The following SDR42E2 variants were observed in gnomAD, a reference collection of about 807,000 sequenced individuals.
The protein encoded by SDR42E2 is short chain dehydrogenase/reductase family 42E, member 2.
A neutral mutation model predicts 10.5 loss-of-function variants in SDR42E2; 20 were observed. The ratio of observed to expected loss-of-function variants is 1.90; its 90% confidence interval spans 1.34 to 2.77. SDR42E2 has a LOEUF of 2.77. Ranked by LOEUF, SDR42E2 falls within the 30% of genes most tolerant of loss-of-function variation. The pLI, the probability that SDR42E2 is intolerant of heterozygous loss-of-function variation, is 0.00. For missense variants in SDR42E2, 162 were observed against 104.2 expected, an observed-to-expected ratio of 1.55 and a Z score of -2.42; for synonymous variants, 72 against 39.2, an observed-to-expected ratio of 1.84 and a Z score of -3.12.
chr16:22,167,292 T>G (rs2046552163), intron 4 of SDR42E2, among the ~76,000 whole-genome samples: 3 of 150,328 alleles, frequency 2.0e-5, no homozygotes, highest in Non-Finnish European at 4.4e-5. Context: ...TTCAAGTGGT[T>G]CTTCTGCCTC....
intron 7 of SDR42E2, among the ~76,000 whole-genome samples, chr16:22,177,118 T>G (rs1220151033): frequency 2.0e-5 from 3 of 152,198 alleles, no homozygotes; most frequent in Non-Finnish European, 2.9e-5. Flanking sequence ...TCCACTGCGC[T>G]GATCTGTGTG....
chr16:22,179,762 G>A (rs1355691566), intron 8 of SDR42E2, among the ~76,000 whole-genome samples: 4 of 147,898 alleles, frequency 2.7e-5, no homozygotes, highest in African/African-American at 7.6e-5. Context: ...GCAGTGAGCC[G>A]AGATTGTGCC....
chr16:22,162,680 C>T (rs1169680287), intron 1 of SDR42E2, among the ~76,000 whole-genome samples, 116 bp downstream of exon 1: 1 of 152,212 alleles, frequency 6.6e-6, no homozygotes, highest in African/African-American at 2.4e-5. Context: ...GAGCCCAGCG[C>T]TCTCAGGGTC....
chr16:22,176,688 G>A (rs1342260551), intron 7 of SDR42E2, among the ~76,000 whole-genome samples: 1 of 152,226 alleles, frequency 6.6e-6, no homozygotes, highest in Non-Finnish European at 1.5e-5. Flanking sequence ...CTCCCAAAGT[G>A]CTGGGATTAC....
At position 22,165,602 on chromosome 16, in the gene SDR42E2, G is replaced by T; in HGVS notation, c.20G>T (p.Arg7Leu). 2.5e-6 allele frequency: 1 copy of T among 401,364 alleles called. No homozygotes were observed. Among genetic ancestry groups the T allele is most frequent in the East Asian group, 3.6e-5 (1 of 28,070 alleles). 24.9% of individuals were successfully genotyped at this position (401,364 alleles called of 1,614,324 possible). A position where few individuals can be genotyped will look rare whatever the true frequency, so the allele number is the denominator to read the frequency against. The change falls in exon 2 of 13, where the codon CGC (arginine) becomes CTC (leucine). Residue 7 changes from arginine to leucine, a missense_variant. Transcript: ENST00000602312. ...TAGAGGATGAAGTCCAACCCCCCAC[G>T]CTCCTCCCTAGAGGCCTGCAAAGCT... MKSNPP[R>L]SSLEACKAAG... is the part of the protein sequence containing the mutation.
At chr16:22,165,440 A>G (rs1450069794) in intron 1 of SDR42E2, 107 bp from the exon 2 acceptor site, 4 of 393,244 alleles carry the variant, frequency 1.0e-5, no homozygotes, top group Non-Finnish European at 1.8e-5. Context: ...GGGAACTCAG[A>G]GAATTTCTAA....
At position 22,178,148 on chromosome 16, in the gene SDR42E2, C is replaced by A. The variant is rs868603155; in HGVS notation, c.608C>A (p.Thr203Lys). 7.1e-6 allele frequency: 5 copies of A among 702,736 alleles called. No individual in the cohort carries two copies. Among genetic ancestry groups the A allele is most frequent in the Admixed American group, 2.0e-5 (1 of 49,972 alleles). The allele number at this position is 702,736 out of a possible 1,614,324, so 43.5% of individuals were successfully genotyped here. A position where few individuals can be genotyped will look rare whatever the true frequency, so the allele number is the denominator to read the frequency against. ...GTGCTAGGAGGAGGCACTCTTCGGACGTGTGTGCTCCGGCCTCCAGGGATC... is the reference window on the plus strand; with the variant it reads ...GTGCTAGGAGGAGGCACTCTTCGGAAGTGTGTGCTCCGGCCTCCAGGGATC... ...MPLPGGGTLR[T>K]CVLRPPGIYG... Residue 203 changes from threonine to lysine, a missense_variant, in exon 8 of 13, where the codon ACG (threonine) becomes AAG (lysine). Thr to Lys is a moderately conservative substitution (Grantham distance 78). Transcript: ENST00000602312.
At chr16:22,173,153 G>C (rs551337108) in intron 7 of SDR42E2, among the ~76,000 whole-genome samples, 28 of 152,084 alleles carry the variant, frequency 1.8e-4, no homozygotes, top group Non-Finnish European at 3.4e-4. Flanking sequence ...CGTATTTCTT[G>C]AGTGCACACT....
At chr16:22,178,086 G>T in intron 7 of SDR42E2, 44 bp from the exon 8 acceptor site, 1 of 695,174 alleles carries the variant, frequency 1.4e-6, no homozygotes. Flanking sequence ...CTCCCTGTGG[G>T]CTGCTCCTCC....
Position 22,181,629 on chromosome 16 carries a change from C to A in SDR42E2, c.783C>A (p.Ala261=). 1.4e-6 allele frequency: 1 copy of A among 702,990 alleles called. No homozygotes were observed. The allele number at this position is 702,990 out of a possible 1,614,324, so 43.5% of individuals were successfully genotyped here. ...AGGCACACGTGCTGGCGGCCGAGGC[C>A]CTCACCACGGCCAAGGGCTACGTGG... is the stretch of plus-strand genomic sequence containing the variant. ...LVQAHVLAAE[A]LTTAKGYVAS... is the part of the protein sequence containing the mutation. The change falls in exon 9 of 13, where the codon GCC becomes GCA. Residue 261 remains alanine (A), a synonymous_variant. Transcript: ENST00000602312.
At chr16:22,163,043 T>A (rs560224799) in intron 1 of SDR42E2, among the ~76,000 whole-genome samples, 2 of 152,302 alleles carry the variant, frequency 1.3e-5, no homozygotes, top group East Asian at 3.9e-4. Flanking sequence ...GAAATCCTCC[T>A]GGAGCTTTGC....
At chr16:22,172,044 C>T (rs961941414) in intron 6 of SDR42E2, among the ~76,000 whole-genome samples, 6 of 152,160 alleles carry the variant, frequency 3.9e-5, no homozygotes, top group South Asian at 2.1e-4. Context: ...GTCATTGTTA[C>T]TGCTCCGAAC....
At chr16:22,185,397 G>A (rs934458455) in intron 11 of SDR42E2, among the ~76,000 whole-genome samples, 2 of 152,170 alleles carry the variant, frequency 1.3e-5, no homozygotes, top group Non-Finnish European at 2.9e-5. Flanking sequence ...CGCAGTGATT[G>A]GTACTCCCGG....
intron 7 of SDR42E2, among the ~76,000 whole-genome samples, chr16:22,176,302 C>T: frequency 6.6e-6 from 1 of 151,886 alleles, no homozygotes; most frequent in Non-Finnish European, 1.5e-5. Flanking sequence ...TTTTCTTTGT[C>T]AGAGATGGGG....
chr16:22,166,363 G>A lies in SDR42E2; in HGVS notation c.169G>A (p.Gly57Ser), dbSNP rs948706527. ...CCTGGGATCCCACCTAGCCAAGAGC[G>A]GCACTTCCGTCATTCTGCTTGACCG... ...FSLGSHLAKS[G>S]TSVILLDRRR... The change falls in exon 3 of 13, where the codon GGC (glycine) becomes AGC (serine). Residue 57 changes from glycine (G) to serine (S), a missense_variant. Coordinates refer to ENST00000602312, the MANE Select transcript of SDR42E2 (RefSeq NM_001394319.2). The A allele has an allele frequency of 1.5e-5, 6 of 402,582 alleles. No individual in the cohort carries two copies. Among genetic ancestry groups the A allele is most frequent in the African/African-American group, 2.0e-5 (1 of 48,804 alleles). 24.9% of individuals were successfully genotyped at this position (402,582 alleles called of 1,614,324 possible). A position where few individuals can be genotyped will look rare whatever the true frequency, so the allele number is the denominator to read the frequency against.
chr16:22,175,414 C>A (rs1050958995), intron 7 of SDR42E2, among the ~76,000 whole-genome samples: 1 of 151,628 alleles, frequency 6.6e-6, no homozygotes, highest in African/African-American at 2.4e-5. Context: ...TAAGCTGTGA[C>A]CCTCTCTCAA....
At chr16:22,179,028 G>C (rs970706410) in intron 8 of SDR42E2, among the ~76,000 whole-genome samples, 10 of 152,084 alleles carry the variant, frequency 6.6e-5, no homozygotes, top group Non-Finnish European at 1.3e-4. Flanking sequence ...GGGTCTCACT[G>C]TATCACCCAG....
intron 7 of SDR42E2, among the ~76,000 whole-genome samples, chr16:22,177,697 G>C (rs138146636): frequency 6.6e-6 from 1 of 152,230 alleles, no homozygotes; most frequent in Non-Finnish European, 1.5e-5. Flanking sequence ...CAAGAGCTAT[G>C]GGCATGAGGG....
chr16:22,163,193 C>T (rs1235276947), intron 1 of SDR42E2, among the ~76,000 whole-genome samples: 1 of 152,230 alleles, frequency 6.6e-6, no homozygotes, highest in African/African-American at 2.4e-5. Context: ...TACCCAAGGG[C>T]ACACCCCAAT....
Sources: gnomAD v4.1 joint callset for allele counts (sites outside exome capture counted in the v4.1 genomes callset) on GRCh38, gnomAD v4.1.1 for gene constraint, MANE v1.5 for transcripts, NCBI Gene and HGNC (gene_info 2026-07-23, HGNC 2026-07-21) for gene names.